Variants in TTC6 observed in about 807,000 individuals in gnomAD.
TTC6 encodes the protein tetratricopeptide repeat domain 6.
Under a neutral mutation model 210.4 loss-of-function variants are expected in TTC6, and 172 were observed. The observed-to-expected ratio is 0.82, with a 90% CI of 0.72 to 0.93. The LOEUF is 0.93. Among genes scored for constraint, TTC6 ranks in the 40% least tolerant of loss-of-function variants. TTC6 has a pLI of 0.00. For missense variants in TTC6, 2,414 were observed against 2,318.1 expected (o/e 1.04, Z -0.85); for synonymous variants, 804 against 819.6 (o/e 0.98, Z 0.32).
exon 16 of TTC6, chr14:37,790,801 C>G (rs1166129170): frequency 6.5e-7 from 1 of 1,534,202 alleles, no homozygotes; most frequent in African/African-American, 1.4e-5. Context: ...TGGCTGCTGG[C>G]AATTTGTGAC....
At chr14:37,621,238 C>T (rs1051252044), upstream of TTC6, among the ~76,000 whole-genome samples, 4 of 151,972 alleles carry the variant, frequency 2.6e-5, no homozygotes, top group Non-Finnish European at 5.9e-5. Context: ...CTTCATTTTT[C>T]TTTTTTTTCA....
At chr14:37,640,742 C>A (rs2095690338) in intron 1 of TTC6, among the ~76,000 whole-genome samples, 2 of 152,006 alleles carry the variant, frequency 1.3e-5, no homozygotes, top group South Asian at 4.2e-4. Context: ...GGGGTTTTGC[C>A]ATGTTGCCCA....
At chr14:37,725,498 G>A (rs1236990474) in intron 7 of TTC6, among the ~76,000 whole-genome samples, 1 of 151,082 alleles carries the variant, frequency 6.6e-6, no homozygotes, top group African/African-American at 2.4e-5. Context: ...TTACAGGCAT[G>A]TGCCACCACA....
chr14:37,770,774 C>T (rs1266787741), intron 14 of TTC6, among the ~76,000 whole-genome samples: 1 of 147,462 alleles, frequency 6.8e-6, no homozygotes, highest in Admixed American at 6.8e-5. Context: ...CAGTCTGTGT[C>T]TTTTAATTGG....
At chr14:37,820,034 C>T (rs955485127) in intron 26 of TTC6, among the ~76,000 whole-genome samples, 8 of 152,292 alleles carry the variant, frequency 5.3e-5, no homozygotes, top group East Asian at 1.9e-4. Context: ...TCTCATTGAA[C>T]GTGTAACCTG....
At chr14:37,771,207 C>T (rs959636367) in intron 14 of TTC6, among the ~76,000 whole-genome samples, 2 of 152,144 alleles carry the variant, frequency 1.3e-5, no homozygotes, top group African/African-American at 4.8e-5. Context: ...TTGAGGGTAA[C>T]CCGACCTTTC....
At chr14:37,666,750 C>G (rs1187801706) in intron 1 of TTC6, among the ~76,000 whole-genome samples, 4 of 150,330 alleles carry the variant, frequency 2.7e-5, no homozygotes, top group Non-Finnish European at 6.0e-5. Context: ...GGGGGAAAGA[C>G]AGTTACCCAA....
chr14:37,837,436 A>G (rs757118693), intron 29 of TTC6: 2 of 454,700 alleles, frequency 4.4e-6, no homozygotes, highest in East Asian at 7.0e-5. Context: ...AAGGATGTCA[A>G]TTCTGTCCCC....
chr14:37,806,614 A>G (rs907672228), intron 22 of TTC6, 104 bp downstream of exon 24: 1 of 1,124,204 alleles, frequency 8.9e-7, no homozygotes, highest in Non-Finnish European at 1.2e-6. Flanking sequence ...TCAGTTTCTT[A>G]TACCTACTTT....
At chr14:37,693,623 A>C (rs1381738017) in intron 3 of TTC6, among the ~76,000 whole-genome samples, 2 of 152,084 alleles carry the variant, frequency 1.3e-5, no homozygotes, top group African/African-American at 4.8e-5. Context: ...ACGACAACAA[A>C]AAACAAACCC....
At chr14:37,737,065 T>A (rs905783077) in intron 8 of TTC6, among the ~76,000 whole-genome samples, 1 of 152,114 alleles carries the variant, frequency 6.6e-6, no homozygotes, top group African/African-American at 2.4e-5. Flanking sequence ...GTCTAGATGT[T>A]TCTTTATTGC....
chr14:37,733,609 A>G (rs1331448492), intron 7 of TTC6, among the ~76,000 whole-genome samples: 3 of 152,272 alleles, frequency 2.0e-5, no homozygotes, highest in Non-Finnish European at 4.4e-5. Flanking sequence ...AAGCTAATGC[A>G]TCTTCTGCTT....
At position 37,622,798 on chromosome 14, in the gene TTC6, T is replaced by G. The variant is rs915930430; in HGVS notation, c.734T>G (p.Leu245Ter). 4.0e-5 allele frequency: 61 copies of G among 1,534,460 alleles called. No homozygotes were observed. The African/African-American group carries it at 7.7e-4, about 19-fold the overall frequency. ...CGCGAGGCGCGGGAAGCGGCGGGGTTAGGAGCCCAGGGAGAACAGGAGAGC... is the reference window on the plus strand; with the variant it reads ...CGCGAGGCGCGGGAAGCGGCGGGGTGAGGAGCCCAGGGAGAACAGGAGAGC... The change falls in exon 1 of 31, where the codon TTA becomes TGA. Residue 245 changes from leucine (L) to a stop codon, truncating the protein, a stop_gained. Transcript: ENST00000553443. LOFTEE classifies it high-confidence loss of function.
chr14:37,614,379 T>C (rs944000672), intron 2 of TTC6, among the ~76,000 whole-genome samples: 6 of 152,194 alleles, frequency 3.9e-5, no homozygotes, highest in African/African-American at 9.6e-5. Flanking sequence ...TACCCACACC[T>C]ATCCCAGTCT....
chr14:37,616,389 C>T (rs1422027641), intron 2 of TTC6, among the ~76,000 whole-genome samples: 6 of 152,136 alleles, frequency 3.9e-5, no homozygotes, highest in Non-Finnish European at 8.8e-5. Context: ...CACAATAAAC[C>T]TGGAAACTTC....
intron 3 of TTC6, among the ~76,000 whole-genome samples, chr14:37,683,723 G>T (rs903020516): frequency 2.6e-5 from 4 of 151,502 alleles, no homozygotes; most frequent in African/African-American, 9.7e-5. Flanking sequence ...TGTATATAAG[G>T]TTCAGTACTA....
At chr14:37,728,334 C>G (rs1481494467) in intron 7 of TTC6, among the ~76,000 whole-genome samples, 1 of 151,890 alleles carries the variant, frequency 6.6e-6, no homozygotes, top group Non-Finnish European at 1.5e-5. Flanking sequence ...AATCCCAGCA[C>G]TTTGGGAGGC....
chr14:37,648,914 C>T (rs1319206806), intron 1 of TTC6, among the ~76,000 whole-genome samples: 1 of 152,104 alleles, frequency 6.6e-6, no homozygotes, highest in Non-Finnish European at 1.5e-5. Context: ...GAGTCTGTCT[C>T]AGCATGTAGT....
At chr14:37,806,619 T>A (rs2096119115) in intron 22 of TTC6, 109 bp downstream of exon 24, 11 of 1,043,212 alleles carry the variant, frequency 1.1e-5, no homozygotes, top group Admixed American at 3.2e-5. Flanking sequence ...TTCTTATACC[T>A]ACTTTTCACT....
Sources: gnomAD v4.1 joint callset for allele counts (sites outside exome capture counted in the v4.1 genomes callset) on GRCh38, gnomAD v4.1.1 for gene constraint, MANE v1.5 for transcripts, NCBI Gene and HGNC (gene_info 2026-07-23, HGNC 2026-07-21) for gene names.